The following ADGRE5 variants were observed in gnomAD, a reference collection of about 807,000 sequenced individuals.
ADGRE5 encodes adhesion G protein-coupled receptor E5, also known as CD97 molecule.
In ADGRE5, 72 loss-of-function variants were observed where a neutral mutation model predicts 100.3. The ratio of observed to expected loss-of-function variants is 0.72; its 90% CI spans 0.59 to 0.87. ADGRE5 has a LOEUF of 0.87. Ranked by LOEUF, ADGRE5 falls within the 40% of genes least tolerant of loss-of-function variation. The probability of loss-of-function intolerance (pLI) is 0.00; values close to 1 mark genes in which losing one functional copy is unlikely to be tolerated. For missense variants in ADGRE5, 959 were observed against 1,094.7 expected (o/e 0.88, Z 1.75); for synonymous variants, 439 against 447.8 (o/e 0.98, Z 0.25).
chr19:14,391,225 C>T (rs1380569046), intron 4 of ADGRE5, 146 bp downstream of exon 4: 32 of 1,005,230 alleles, frequency 3.2e-5, no homozygotes, highest in Non-Finnish European at 4.6e-5. Flanking sequence ...GTACCTACCC[C>T]ACCACCCCAG....
chr19:14,400,204 TAG>T (rs1365412529), intron 9 of ADGRE5, among the ~76,000 whole-genome samples: 1 of 151,974 alleles, frequency 6.6e-6, no homozygotes, highest in African/African-American at 2.4e-5. Context: ...CATTTTTTAG[TAG>T]AGATGGGATT....
chr19:14,399,616 G>A (rs938211574), intron 9 of ADGRE5, among the ~76,000 whole-genome samples: 11 of 140,814 alleles, frequency 7.8e-5, no homozygotes, highest in East Asian at 2.2e-4. Flanking sequence ...GGTGGTGCAC[G>A]CCTGTAATCT....
chr19:14,407,048 C>T lies in ADGRE5; in HGVS notation c.2208-13C>T. 6.2e-7 allele frequency: 1 copy of T among 1,613,958 alleles called. No individual in the cohort carries two copies. Among genetic ancestry groups the T allele is most frequent in the Non-Finnish European group, 8.5e-7 (1 of 1,179,980 alleles). ...TGAGGTGGGGGCCCACGCTGCAACC[C>T]CGCTCCTCGCAGGGCGCTGACCATC... is the stretch of plus-strand genomic sequence containing the variant. On this transcript the variant is annotated splice_polypyrimidine_tract_variant and intron_variant, in intron 17 of 19. Transcript: ENST00000242786.
At position 14,401,734 on chromosome 19, in the gene ADGRE5, C is replaced by A; in HGVS notation, c.1157C>A (p.Ala386Asp). The A allele has an allele frequency of 6.4e-7, 1 of 1,562,372 alleles. No individual in the cohort carries two copies. ...AGCGCACGCATGAAGCTGAATTGGG[C>A]TGTGGCAGCTGGAGCCGAGGATCCA... is the stretch of plus-strand genomic sequence containing the variant. ...QSSARMKLNW[A>D]VAAGAEDPGP... The change falls in exon 11 of 20, where the codon GCT becomes GAT. Residue 386 changes from alanine to aspartate, a missense_variant. By Grantham distance (126) the Ala-to-Asp change is moderately radical. Transcript: ENST00000242786. The surrounding 1 kb of genome is among the most constrained non-coding windows in gnomAD (Gnocchi z 4.1).
chr19:14,388,588 G>A (rs1165895935), intron 2 of ADGRE5, 88 bp downstream of exon 2: 1 of 1,603,706 alleles, frequency 6.2e-7, no homozygotes, highest in East Asian at 2.2e-5. Context: ...TCAGCCCAGG[G>A]AAAGAGAGGG....
At chr19:14,398,477 G>A in intron 9 of ADGRE5, 1 of 265,506 alleles carries the variant, frequency 3.8e-6, no homozygotes, top group Non-Finnish European at 7.4e-6. Context: ...AGACCATTCT[G>A]GCTAACATGG....
At chr19:14,398,019 C>T (rs375988849) in intron 8 of ADGRE5, 43 bp from the exon 9 acceptor site, 190 of 1,595,868 alleles carry the variant, frequency 1.2e-4, no homozygotes, top group East Asian at 1.1e-4. Flanking sequence ...ACTTCCCACC[C>T]GCCGTCCAGG....
intron 18 of ADGRE5, among the ~76,000 whole-genome samples, chr19:14,407,551 G>C (rs907012762): frequency 1.3e-5 from 2 of 151,738 alleles, no homozygotes; most frequent in African/African-American, 2.4e-5. Context: ...TTGGGAGGCT[G>C]AGGCAGGAGA....
At chr19:14,388,412 G>A (rs761906518) in intron 1 of ADGRE5, 38 bp from the exon 2 acceptor site, 1 of 1,482,630 alleles carries the variant, frequency 6.7e-7, no homozygotes, top group Admixed American at 2.5e-5. Flanking sequence ...TTCCCACCCT[G>A]GGATCCCCTC....
intron 1 of ADGRE5, among the ~76,000 whole-genome samples, chr19:14,382,752 C>T (rs566431657): frequency 6.6e-6 from 1 of 150,784 alleles, no homozygotes; most frequent in Admixed American, 6.6e-5. Flanking sequence ...TCTTGTCGCT[C>T]AGGCTGGAGT....
At chr19:14,402,419 A>T (rs536134311) in intron 11 of ADGRE5, among the ~76,000 whole-genome samples, 178 bp from the exon 12 acceptor site, 1 of 151,418 alleles carries the variant, frequency 6.6e-6, no homozygotes, top group East Asian at 1.9e-4. Context: ...TGGGCGAAAG[A>T]GCGAAACTCC....
intron 4 of ADGRE5, among the ~76,000 whole-genome samples, chr19:14,394,068 C>G (rs1002292238): frequency 3.3e-5 from 5 of 152,244 alleles, no homozygotes; most frequent in African/African-American, 1.2e-4. Flanking sequence ...TATGAACCCC[C>G]TGCATGGGAT....
Position 14,408,327 on chromosome 19 carries a change from TGCTG to T in ADGRE5, c.*211_*214del. On this transcript the variant is annotated 3_prime_UTR_variant, in exon 20 of 20. Transcript: ENST00000242786. ...GTGGAGTCGGAGCCACTGGTCCTGCTGCTGGCTGCCTCTCTGCTCCACCTTGTGA... is the reference window on the plus strand; with the variant it reads ...GTGGAGTCGGAGCCACTGGTCCTGCTGCTGCCTCTCTGCTCCACCTTGTGA... 1.5e-6 allele frequency: 1 copy of T among 645,342 alleles called. No homozygotes were observed. The highest frequency in any genetic ancestry group is 1.8e-5 in the African/African-American group (1 of 55,844). 40.0% of individuals were successfully genotyped at this position (645,342 alleles called of 1,614,324 possible). A position where few individuals can be genotyped will look rare whatever the true frequency, so the allele number is the denominator to read the frequency against.
rs767883884 is a variant in ADGRE5, at chr19:14,401,698, T to G, written c.1121T>G (p.Met374Arg). The G allele has an allele frequency of 2.5e-6, 4 of 1,592,020 alleles. No homozygotes were observed. The highest frequency in any genetic ancestry group is 2.7e-5 in the African/African-American group (2 of 74,114). Residue 374 changes from methionine (M) to arginine (R), a missense_variant, in exon 11 of 20, where the codon ATG becomes AGG. Physicochemically the swap from Met to Arg is moderately conservative, Grantham distance 91. Around this residue, in one of 6 missense-constraint regions of ADGRE5, gnomAD observed 246 missense variants for 242.2 expected, o/e 1.02. Transcript: ENST00000242786. This position sits in a 1 kb window ranked among gnomAD's most constrained non-coding sequence, Gnocchi z 4.1. ...GAGCGGGGGGACAAGAACGTCACTA[T>G]GGGTCAGAGCAGCGCACGCATGAAG... Reference protein sequence around the residue: ...IQERGDKNVTMGQSSARMKLN... With the variant: ...IQERGDKNVTRGQSSARMKLN...
intron 18 of ADGRE5, among the ~76,000 whole-genome samples, chr19:14,407,633 G>T (rs1230177328): frequency 1.5e-5 from 2 of 134,102 alleles, no homozygotes; most frequent in South Asian, 2.2e-4. Flanking sequence ...AGTGAGACTT[G>T]TCTCCAAAAA....
At chr19:14,405,707 C>T (rs1352982291) in intron 13 of ADGRE5, 41 bp from the exon 14 acceptor site, 1 of 1,523,340 alleles carries the variant, frequency 6.6e-7, no homozygotes, top group Non-Finnish European at 9.0e-7. Flanking sequence ...AGGAAGGCCT[C>T]ATGCCCTGAA....
chr19:14,408,100 G>T lies in ADGRE5; in HGVS notation c.2487G>T (p.Arg829Ser). ...GTGHNQTRAL[R>S]ASESGI ...TGGGCTCTCCTCTCCAGGCCCTCAGGGCATCAGAGTCCGGCATATGAAGGC... is the reference window on the plus strand; with the variant it reads ...TGGGCTCTCCTCTCCAGGCCCTCAGTGCATCAGAGTCCGGCATATGAAGGC... Residue 829 changes from arginine (R) to serine (S), a missense_variant, in exon 20 of 20, where the codon AGG (arginine) becomes AGT (serine). Physicochemically the swap from Arg to Ser is moderately radical, Grantham distance 110 (BLOSUM62 -1). Around this residue, in one of 6 missense-constraint regions of ADGRE5, gnomAD observed 428 missense variants for 386.2 expected, o/e 1.11. Transcript: ENST00000242786. 6.2e-7 allele frequency: 1 copy of T among 1,613,756 alleles called. No individual in the cohort carries two copies. Among genetic ancestry groups the T allele is most frequent in the Non-Finnish European group, 8.5e-7 (1 of 1,180,030 alleles).
chr19:14,399,522 C>T (rs1975924196), intron 9 of ADGRE5, among the ~76,000 whole-genome samples: 1 of 142,806 alleles, frequency 7.0e-6, no homozygotes, highest in Non-Finnish European at 1.5e-5. Context: ...CGAGATCCCG[C>T]CACTGCACTC....
At chr19:14,389,338 A>AG (rs1357277641) in intron 3 of ADGRE5, among the ~76,000 whole-genome samples, 2 of 10,628 alleles carry the variant, frequency 1.9e-4, no homozygotes, top group African/African-American at 1.2e-3. Context: ...GGAGGGGGGA[A>AG]GGGGAGGGGA....
Sources: allele counts gnomAD v4.1 joint callset (sites outside exome capture counted in the v4.1 genomes callset), GRCh38; gene constraint gnomAD v4.1.1; regional missense constraint gnomAD v4.1.1; non-coding constraint Gnocchi (gnomAD v3.1); transcripts MANE v1.5; gene names NCBI Gene and HGNC (gene_info 2026-07-23, HGNC 2026-07-21).